The following TTC8 variants were observed in gnomAD, a reference collection of about 807,000 sequenced individuals.
TTC8 encodes tetratricopeptide repeat protein 8.
Under a neutral mutation model 72.5 loss-of-function variants are expected in TTC8, and 47 were observed. The ratio of observed to expected loss-of-function variants is 0.65; its 90% confidence interval spans 0.51 to 0.83. The LOEUF (loss-of-function observed/expected upper bound fraction) is 0.83, where lower values mean the gene tolerates loss of function less well. TTC8 is among the 40% of genes least tolerant of loss of function. The pLI, the probability that TTC8 is intolerant of heterozygous loss-of-function variation, is 0.00. For missense variants in TTC8, 611 were observed against 623.2 expected (o/e 0.98, Z 0.21); for synonymous variants, 199 against 221.4 (o/e 0.90, Z 0.90).
chr14:88,845,478 G>C (rs540029395), intron 7 of TTC8, among the ~76,000 whole-genome samples: 49 of 152,192 alleles, frequency 3.2e-4, no homozygotes, highest in Non-Finnish European at 6.0e-4. Context: ...CACATGTATA[G>C]AATGTGGTGT....
At chr14:88,832,975 T>C (rs1377902323) in intron 1 of TTC8, among the ~76,000 whole-genome samples, 3 of 152,228 alleles carry the variant, frequency 2.0e-5, no homozygotes, top group African/African-American at 4.8e-5. Context: ...TTAAATAAAT[T>C]ACCTGTCCTT....
chr14:88,856,510 C>T (rs141284995), intron 8 of TTC8, among the ~76,000 whole-genome samples: 1 of 152,182 alleles, frequency 6.6e-6, no homozygotes, highest in East Asian at 1.9e-4. Context: ...AATGAATAGA[C>T]CTGTTGAAAG....
At position 88,872,432 on chromosome 14, in the gene TTC8, C is replaced by A. The variant is rs140698625; in HGVS notation, c.1327C>A (p.Arg443=). The A allele has an allele frequency of 1.9e-6, 3 of 1,613,830 alleles. No individual in the cohort carries two copies. Among genetic ancestry groups the A allele is most frequent in the Non-Finnish European group, 2.5e-6 (3 of 1,179,856 alleles). ...AYNNLAVLEM[R]KGHVEQARAL... ...CAACAACCTGGCTGTGCTGGAGATG[C>A]GGAAGGGCCACGTTGAACAGGTCAG... is the stretch of plus-strand genomic sequence containing the variant. Residue 443 remains arginine, a synonymous_variant, in exon 13 of 15, where the codon CGG becomes AGG. Transcript: ENST00000380656.
chr14:88,868,891 A>C (rs2094921916), intron 10 of TTC8, among the ~76,000 whole-genome samples: 1 of 152,222 alleles, frequency 6.6e-6, no homozygotes, highest in Non-Finnish European at 1.5e-5. Flanking sequence ...AAGAAATATT[A>C]AAAGTGGATT....
At chr14:88,873,189 T>G (rs1332655505) in intron 13 of TTC8, among the ~76,000 whole-genome samples, 4 of 152,206 alleles carry the variant, frequency 2.6e-5, no homozygotes. Context: ...CCACATCTTT[T>G]GCCACTCCTT....
At chr14:88,873,871 G>C (rs1595990645) in intron 13 of TTC8, among the ~76,000 whole-genome samples, 1 of 152,186 alleles carries the variant, frequency 6.6e-6, no homozygotes, top group South Asian at 2.1e-4. Context: ...CGAGGTCACA[G>C]ACATGGCGAA....
At chr14:88,844,017 AT>A (rs1379811743) in intron 7 of TTC8, among the ~76,000 whole-genome samples, 167 bp downstream of exon 7, 2 of 152,208 alleles carry the variant, frequency 1.3e-5, no homozygotes, top group Non-Finnish European at 1.5e-5. Context: ...GAAAATGTGT[AT>A]AAATATACAA....
intron 7 of TTC8, among the ~76,000 whole-genome samples, 187 bp downstream of exon 7, chr14:88,844,037 A>G (rs1011859687): frequency 3.3e-5 from 5 of 152,184 alleles, no homozygotes; most frequent in African/African-American, 1.2e-4. Flanking sequence ...AAGTGATAAG[A>G]ACTATGCTTG....
At chr14:88,861,565 A>G (rs936811139) in intron 10 of TTC8, among the ~76,000 whole-genome samples, 1 of 152,158 alleles carries the variant, frequency 6.6e-6, no homozygotes, top group African/African-American at 2.4e-5. Flanking sequence ...TCCCTACTGT[A>G]CTATCAAATA....
chr14:88,866,058 T>C (rs1469304124), intron 10 of TTC8, among the ~76,000 whole-genome samples: 1 of 152,010 alleles, frequency 6.6e-6, no homozygotes, highest in Non-Finnish European at 1.5e-5. Context: ...CTTTAAAAAT[T>C]TAAAACTTCA....
intron 1 of TTC8, among the ~76,000 whole-genome samples, chr14:88,832,956 T>C (rs2094733062): frequency 6.6e-6 from 1 of 152,232 alleles, no homozygotes; most frequent in South Asian, 2.1e-4. Flanking sequence ...GTTCCTACCA[T>C]GCGTCATGTT....
chr14:88,877,401 T>C lies in TTC8; in HGVS notation c.1539T>C (p.Ala513=), dbSNP rs1396301642. ...TTAAACAATTAAGGCAGCATTTTGCTATGCTCTGATTGTTCCTTAGACCAC... is the reference window on the plus strand; with the variant it reads ...TTAAACAATTAAGGCAGCATTTTGCCATGCTCTGATTGTTCCTTAGACCAC... The part of the protein sequence containing the change: ...HLIKQLRQHF[A]ML The change falls in exon 15 of 15, where the codon GCT becomes GCC. Residue 513 remains alanine, a synonymous_variant. Transcript: ENST00000380656. 3 of 1,612,770 alleles carry C rather than the reference T, an allele frequency of 1.9e-6. No homozygotes were observed. The highest frequency in any genetic ancestry group is 2.5e-6 in the Non-Finnish European group (3 of 1,178,962).
intron 8 of TTC8, among the ~76,000 whole-genome samples, chr14:88,853,882 T>G (rs2094844770): frequency 6.6e-6 from 1 of 152,184 alleles, no homozygotes; most frequent in African/African-American, 2.4e-5. Flanking sequence ...ATTCTATTTT[T>G]AAGTATAAAT....
At chr14:88,830,813 T>A in intron 1 of TTC8, 1 of 455,614 alleles carries the variant, frequency 2.2e-6, no homozygotes. Flanking sequence ...AAAGGCTCAG[T>A]GATTTTTAAA....
At chr14:88,878,631 G>A (rs1186650205), downstream of TTC8, 1 of 152,154 alleles carries the variant, frequency 6.6e-6, no homozygotes, top group Non-Finnish European at 1.5e-5. Context: ...GGTTCTCTGT[G>A]ATGTGTTAGT....
intron 11 of TTC8, among the ~76,000 whole-genome samples, 165 bp downstream of exon 11, chr14:88,870,363 AT>A (rs2141033889): frequency 6.6e-6 from 1 of 152,366 alleles, no homozygotes; most frequent in East Asian, 1.9e-4. Context: ...ACATCCAATA[AT>A]TTGGAAACAT....
chr14:88,871,741 T>C lies in TTC8; in HGVS notation c.1224+18T>C. 3 of 1,613,960 alleles carry C rather than the reference T, an allele frequency of 1.9e-6. No homozygotes were observed. Among genetic ancestry groups the C allele is most frequent in the South Asian group, 2.2e-5 (2 of 91,084 alleles). The stretch of plus-strand genomic sequence containing the variant: ...TAGCTGTGGTATGTTGTCTTACTGA[T>C]ATAATTTCTGTTATAGAAAGTTGGT... On this transcript the variant is annotated intron_variant, in intron 12 of 14. Transcript: ENST00000380656. The surrounding 1 kb of genome is among the most constrained non-coding windows in gnomAD (Gnocchi z 4.1).
chr14:88,831,769 G>A (rs1287777188), intron 1 of TTC8, among the ~76,000 whole-genome samples: 1 of 152,200 alleles, frequency 6.6e-6, no homozygotes, highest in Non-Finnish European at 1.5e-5. Context: ...TTTTGAGGAA[G>A]ATGTCCAGTG....
chr14:88,840,777 C>G, intron 3 of TTC8, 88 bp from the exon 4 acceptor site: 2 of 1,324,660 alleles, frequency 1.5e-6, no homozygotes, highest in South Asian at 2.5e-5. Flanking sequence ...TTTCACCAGG[C>G]CAGCGCAATT....
Sources: allele counts gnomAD v4.1 joint callset (sites outside exome capture counted in the v4.1 genomes callset), GRCh38; gene constraint gnomAD v4.1.1; non-coding constraint Gnocchi (gnomAD v3.1); transcripts MANE v1.5; gene names NCBI Gene and HGNC (gene_info 2026-07-23, HGNC 2026-07-21).